ATP9A: variants seen among roughly 807,000 people sequenced by gnomAD.
ATP9A encodes ATPase phospholipid transporting 9A, also known as probable phospholipid-transporting ATPase IIA.
In ATP9A, 52 loss-of-function variants were observed where a neutral mutation model predicts 144.1. The observed-to-expected ratio is 0.36, with a 90% CI of 0.29 to 0.45. The LOEUF (loss-of-function observed/expected upper bound fraction) is 0.45, where lower values mean the gene tolerates loss of function less well. Among genes scored for constraint, ATP9A ranks in the 20% least tolerant of loss-of-function variants. The pLI is 1.00. For missense variants in ATP9A, 947 were observed against 1,392.7 expected, an observed-to-expected ratio of 0.68 and a Z score of 5.09; for synonymous variants, 582 against 557.4, an observed-to-expected ratio of 1.04 and a Z score of -0.62.
At chr20:51,732,541 T>C (rs2077746619) in intron 1 of ATP9A, 1 of 152,186 alleles carries the variant, frequency 6.6e-6, no homozygotes, top group Non-Finnish European at 1.5e-5. Context: ...ATTTCCATGA[T>C]GAAACACAAT....
chr20:51,603,867 G>A (rs1261389369), intron 27 of ATP9A, among the ~76,000 whole-genome samples: 1 of 152,038 alleles, frequency 6.6e-6, no homozygotes, highest in Non-Finnish European at 1.5e-5. Flanking sequence ...TGCAACCTTC[G>A]CCTCCCGGGT....
intron 17 of ATP9A, among the ~76,000 whole-genome samples, chr20:51,626,503 A>AG (rs1352290972): frequency 6.6e-6 from 1 of 151,600 alleles, no homozygotes; most frequent in Non-Finnish European, 1.5e-5. Context: ...ATAAAAAAAA[A>AG]AAAAAGAAAA....
chr20:51,663,984 A>C (rs1296661770), intron 13 of ATP9A, among the ~76,000 whole-genome samples: 6 of 152,106 alleles, frequency 3.9e-5, no homozygotes, highest in African/African-American at 1.2e-4. Context: ...TCAGTAAATG[A>C]AAAATGACAG....
chr20:51,752,997 G>C (rs983018257), intron 1 of ATP9A, among the ~76,000 whole-genome samples: 1 of 152,074 alleles, frequency 6.6e-6, no homozygotes, highest in Non-Finnish European at 1.5e-5. Flanking sequence ...AGCTACTTGG[G>C]AGGCTGAGGC....
chr20:51,684,510 C>G (rs1377202488), intron 9 of ATP9A, among the ~76,000 whole-genome samples: 1 of 149,854 alleles, frequency 6.7e-6, no homozygotes, highest in Non-Finnish European at 1.5e-5. Context: ...TCCTGGCTAA[C>G]ACGGTGAAAC....
chr20:51,763,618 A>G (rs1336056055), intron 1 of ATP9A, among the ~76,000 whole-genome samples: 20 of 152,204 alleles, frequency 1.3e-4, no homozygotes, highest in Admixed American at 1.3e-3. Flanking sequence ...TGGCCAGTTT[A>G]CATACTTTCA....
intron 2 of ATP9A, 32 bp from the exon 3 acceptor site, chr20:51,725,964 T>C (rs1210406047): frequency 7.8e-7 from 1 of 1,276,162 alleles, no homozygotes; most frequent in Non-Finnish European, 1.1e-6. Context: ...GAGAAAGACA[T>C]TCAGGGCTTG....
intron 24 of ATP9A, 144 bp downstream of exon 24, chr20:51,609,957 C>A: frequency 1.5e-6 from 1 of 680,288 alleles, no homozygotes; most frequent in South Asian, 1.9e-5. Context: ...GGTTCTAAAC[C>A]ATGGTGCTGG....
At chr20:51,712,823 T>C in intron 4 of ATP9A, 143 bp downstream of exon 4, 1 of 715,506 alleles carries the variant, frequency 1.4e-6, no homozygotes, top group South Asian at 1.7e-5. Flanking sequence ...GATGGAGGCC[T>C]CCCTGGTGCT....
At chr20:51,610,912 C>T (rs959687680) in intron 23 of ATP9A, among the ~76,000 whole-genome samples, 10 of 152,142 alleles carry the variant, frequency 6.6e-5, no homozygotes, top group African/African-American at 1.4e-4. Context: ...TACAAACCCT[C>T]GCGGAAATGT....
chr20:51,617,592 T>C (rs767695201), intron 21 of ATP9A, 38 bp from the exon 22 acceptor site: 3 of 1,599,168 alleles, frequency 1.9e-6, no homozygotes, highest in Non-Finnish European at 2.6e-6. Flanking sequence ...AGATGTTTCA[T>C]TCTTACCTTA....
intron 2 of ATP9A, among the ~76,000 whole-genome samples, chr20:51,727,027 C>T (rs770224471): frequency 7.4e-5 from 11 of 149,342 alleles, no homozygotes; most frequent in Admixed American, 1.4e-4. Flanking sequence ...GGCGCAGAGG[C>T]TCACACCTGT....
At chr20:51,646,338 A>G (rs2077342277) in intron 14 of ATP9A, among the ~76,000 whole-genome samples, 1 of 152,216 alleles carries the variant, frequency 6.6e-6, no homozygotes, top group South Asian at 2.1e-4. Context: ...CATACCAATC[A>G]TCAGAGCACG....
At chr20:51,751,270 T>TG (rs901365477) in intron 1 of ATP9A, among the ~76,000 whole-genome samples, 4 of 148,954 alleles carry the variant, frequency 2.7e-5, no homozygotes, top group Non-Finnish European at 6.0e-5. Flanking sequence ...TGTTTTTTTT[T>TG]TTTTTTTTTG....
rs1270553028 is a variant in ATP9A, at chr20:51,653,169, A to C, written c.1506+3769T>G. 2.2e-5 allele frequency among the ~76,000 whole-genome samples: 3 copies of C among 137,730 alleles called. No homozygotes were observed. In the Admixed American group the frequency reaches 2.4e-4, roughly 11 times the overall value. 90.4% of individuals were successfully genotyped at this position (137,730 alleles called of 152,430 possible). A position where few individuals can be genotyped will look rare whatever the true frequency, so the allele number is the denominator to read the frequency against. ...TGGCCTCTGAAGACACCAAAGGCCA[A>C]AGGAAAGTAGTTCTTTTTTTTTTTC... On this transcript the variant is annotated intron_variant, in intron 14 of 27. Transcript: ENST00000338821.
In ATP9A at chr20:51,725,925, A is replaced by T. The variant is rs750007603; in HGVS notation, c.221T>A (p.Phe74Tyr). The change falls in exon 3 of 28, where the codon TTC becomes TAC. Residue 74 changes from phenylalanine (F) to tyrosine (Y), a missense_variant. Transcript: ENST00000338821. Reference sequence around the variant, plus strand: ...GTTGAAAAAGTATTTGAACTGGTTGAACAGCACCTGGAATGGAGGGAGACA... The same window carrying T: ...GTTGAAAAAGTATTTGAACTGGTTGTACAGCACCTGGAATGGAGGGAGACA... ...NFFTFLPGVL[F>Y]NQFKYFFNLY... 60 of 1,596,654 alleles carry T rather than the reference A, an allele frequency of 3.8e-5. No individual in the cohort carries two copies. The highest frequency in any genetic ancestry group is 4.5e-5 in the Non-Finnish European group (52 of 1,164,222).
chr20:51,684,274 C>T lies in ATP9A; in HGVS notation c.799+4790G>A, dbSNP rs190794709. 3.9e-5 allele frequency among the ~76,000 whole-genome samples: 6 copies of T among 152,208 alleles called. No individual in the cohort carries two copies. The South Asian group carries it at 6.2e-4, about 16-fold the overall frequency. On this transcript the variant is annotated intron_variant, in intron 9 of 27. Transcript: ENST00000338821. ...ATGAGACCAAGTGAAACAGTCATTG[C>T]AATTAAGGCAACAAATAAAATATTA...
intron 1 of ATP9A, among the ~76,000 whole-genome samples, chr20:51,736,516 T>A (rs1398935593): frequency 9.9e-5 from 1 of 10,110 alleles, no homozygotes; most frequent in African/African-American, 3.2e-4. Context: ...CTTTTGTTTT[T>A]GTTTTTTTTT....
chr20:51,606,747 T>C (rs1029950544), intron 26 of ATP9A, among the ~76,000 whole-genome samples: 11 of 152,030 alleles, frequency 7.2e-5, no homozygotes, highest in African/African-American at 2.7e-4. Flanking sequence ...TTGGTGGTGG[T>C]GTACACCTGT....
Sources: allele counts gnomAD v4.1 joint callset (sites outside exome capture counted in the v4.1 genomes callset), GRCh38; gene constraint gnomAD v4.1.1; transcripts MANE v1.5; gene names NCBI Gene and HGNC (gene_info 2026-07-23, HGNC 2026-07-21).